The following PDE4D variants were observed in gnomAD, a reference collection of about 807,000 sequenced individuals.
The protein encoded by PDE4D is 3',5'-cyclic-AMP phosphodiesterase 4D.
PDE4D carries 24 observed loss-of-function variants against 87.4 expected under a neutral mutation model. The observed-to-expected ratio is 0.27, with a 90% CI of 0.20 to 0.39. The LOEUF is 0.39. Ranked by LOEUF, PDE4D falls within the 10% of genes least tolerant of loss-of-function variation. The pLI, the probability that PDE4D is intolerant of heterozygous loss-of-function variation, is 1.00. For missense variants in PDE4D, 714 were observed against 1,041.0 expected, an observed-to-expected ratio of 0.69 and a Z score of 4.32; for synonymous variants, 384 against 383.2, an observed-to-expected ratio of 1.00 and a Z score of -0.02.
At chr5:59,499,877 T>C (rs927933925) in intron 1 of PDE4D, among the ~76,000 whole-genome samples, 40 of 116,588 alleles carry the variant, frequency 3.4e-4, no homozygotes, top group African/African-American at 1.7e-3. Flanking sequence ...CTACTGAAAG[T>C]ATTCAAAAAA....
Position 60,124,261 on chromosome 5 carries a change from CT to C in PDE4D, c.42+61295del, listed in dbSNP as rs371854175. Among the ~76,000 whole-genome samples, 25 of 152,228 alleles carry C rather than the reference CT, an allele frequency of 1.6e-4. No homozygotes were observed. The South Asian group carries it at 4.6e-3, about 28-fold the overall frequency. On this transcript the variant is annotated intron_variant, in intron 2 of 16. Transcript: ENST00000502484. ...TGATTGTTTTAATAAAATGCTCCCC[CT>C]AACCTCAACTGTCTAAGTACTCAGA...
intron 3 of PDE4D, among the ~76,000 whole-genome samples, chr5:59,983,856 C>A (rs906874639): frequency 6.6e-6 from 1 of 152,038 alleles, no homozygotes; most frequent in Non-Finnish European, 1.5e-5. Flanking sequence ...TGGGAATATA[C>A]CCAAAAGAAA....
chr5:59,451,487 G>A (rs900815922), intron 1 of PDE4D, among the ~76,000 whole-genome samples: 23 of 152,130 alleles, frequency 1.5e-4, no homozygotes, highest in African/African-American at 3.6e-4. Context: ...GGGGATAACC[G>A]ACATATACCT....
intron 1 of PDE4D, among the ~76,000 whole-genome samples, chr5:59,541,827 G>C (rs1423247851): frequency 6.6e-6 from 1 of 152,138 alleles, no homozygotes; most frequent in Non-Finnish European, 1.5e-5. Context: ...CTGCCAGGGT[G>C]GGACCCATTA....
chr5:60,193,669 C>CAAAAAAAAAAAAAAAAAAAAAAAAAAAA (rs35340734), intron 1 of PDE4D, among the ~76,000 whole-genome samples: 1 of 46,878 alleles, frequency 2.1e-5, no homozygotes, highest in African/African-American at 7.8e-5. Flanking sequence ...GACTCCGTCT[C>CAAAAAAAAAAAAAAAAAAAAAAAAAAAA]AAAAAAAAAA....
chr5:60,129,693 AT>A (rs2149395244), intron 2 of PDE4D, among the ~76,000 whole-genome samples: 1 of 152,262 alleles, frequency 6.6e-6, no homozygotes, highest in East Asian at 1.9e-4. Context: ...GAAATATTTG[AT>A]TGCTGCTGTT....
At chr5:59,671,959 A>T (rs1747283705) in intron 1 of PDE4D, among the ~76,000 whole-genome samples, 1 of 152,172 alleles carries the variant, frequency 6.6e-6, no homozygotes. Flanking sequence ...TTCTAGGAGA[A>T]CTGACATTTA....
At chr5:59,921,536 T>C (rs1754669951) in intron 3 of PDE4D, among the ~76,000 whole-genome samples, 1 of 152,188 alleles carries the variant, frequency 6.6e-6, no homozygotes, top group East Asian at 1.9e-4. Context: ...TCATTGATTT[T>C]TGTTGTTTGA....
intron 1 of PDE4D, among the ~76,000 whole-genome samples, chr5:59,854,713 G>A (rs1745169468): frequency 6.6e-6 from 1 of 151,930 alleles, no homozygotes; most frequent in African/African-American, 2.4e-5. Context: ...AAAAGCAAAG[G>A]TATTGCACAA....
At chr5:60,398,908 A>G (rs1763082271) in intron 1 of PDE4D, among the ~76,000 whole-genome samples, 1 of 152,076 alleles carries the variant, frequency 6.6e-6, no homozygotes, top group Non-Finnish European at 1.5e-5. Context: ...TCCAACCCCA[A>G]CACCCTGTTT....
chr5:60,038,852 G>A (rs1173096782), intron 2 of PDE4D, among the ~76,000 whole-genome samples: 2 of 151,566 alleles, frequency 1.3e-5, no homozygotes, highest in Non-Finnish European at 2.9e-5. Context: ...ACCATCACTG[G>A]CCATCAGAGA....
intron 1 of PDE4D, among the ~76,000 whole-genome samples, chr5:60,327,875 G>A (rs1583434274): frequency 6.6e-6 from 1 of 151,984 alleles, no homozygotes; most frequent in Non-Finnish European, 1.5e-5. Context: ...TTCAGTATAT[G>A]AAAATTCATC....
chr5:60,464,850 C>T (rs1747219525), intron 1 of PDE4D, among the ~76,000 whole-genome samples: 3 of 152,242 alleles, frequency 2.0e-5, no homozygotes, highest in South Asian at 2.1e-4. Flanking sequence ...ACCTGTAATC[C>T]CAGTACTTTC....
At chr5:59,345,310 G>C (rs140601069) in intron 1 of PDE4D, among the ~76,000 whole-genome samples, 4 of 152,150 alleles carry the variant, frequency 2.6e-5, no homozygotes, top group Non-Finnish European at 2.9e-5. Context: ...AAGTGAGCAC[G>C]GGATATATAG....
chr5:60,411,440 T>C (rs753469848), intron 1 of PDE4D, among the ~76,000 whole-genome samples: 1 of 152,094 alleles, frequency 6.6e-6, no homozygotes, highest in Non-Finnish European at 1.5e-5. Context: ...AATTCAGACA[T>C]GTCACAAAGG....
chr5:60,515,872 T>C (rs904362157), intron 1 of PDE4D, among the ~76,000 whole-genome samples: 3 of 152,230 alleles, frequency 2.0e-5, no homozygotes, highest in African/African-American at 7.2e-5. Flanking sequence ...CATTGTTTCA[T>C]GACACTTTTG....
intron 2 of PDE4D, among the ~76,000 whole-genome samples, chr5:60,116,320 G>A (rs927551194): frequency 5.3e-5 from 8 of 152,080 alleles, no homozygotes; most frequent in Non-Finnish European, 1.0e-4. Context: ...GAGTTCTATA[G>A]GAGGAGCAAT....
At chr5:60,120,680 T>C (rs1778593592) in intron 2 of PDE4D, among the ~76,000 whole-genome samples, 1 of 152,150 alleles carries the variant, frequency 6.6e-6, no homozygotes, top group Non-Finnish European at 1.5e-5. Flanking sequence ...TCATGTATTA[T>C]ATACCTATAT....
chr5:60,070,988 T>C (rs988269131), intron 2 of PDE4D, among the ~76,000 whole-genome samples: 6 of 152,076 alleles, frequency 3.9e-5, no homozygotes, highest in Non-Finnish European at 8.8e-5. Flanking sequence ...TAGTTATCTC[T>C]TTTGATTCTT....
Sources: gnomAD v4.1 joint callset for allele counts (sites outside exome capture counted in the v4.1 genomes callset) on GRCh38, gnomAD v4.1.1 for gene constraint, MANE v1.5 for transcripts, NCBI Gene and HGNC (gene_info 2026-07-23, HGNC 2026-07-21) for gene names.